The following SF3B3 variants were observed in gnomAD, a reference collection of about 807,000 sequenced individuals.
SF3B3 encodes the protein SAP 130.
In SF3B3, 33 loss-of-function variants were observed where a neutral mutation model predicts 139.2. The observed-to-expected ratio is 0.24, with a 90% CI of 0.18 to 0.32. SF3B3 has a LOEUF of 0.32. SF3B3 is among the 10% of genes least tolerant of loss of function. The pLI is 1.00. For missense variants in SF3B3, 818 were observed against 1,509.4 expected (o/e 0.54, Z 7.59); for synonymous variants, 596 against 563.6 (o/e 1.06, Z -0.81).
At chr16:70,559,813 G>A (rs1489576433) in intron 15 of SF3B3, among the ~76,000 whole-genome samples, 11 of 151,806 alleles carry the variant, frequency 7.2e-5, no homozygotes, top group African/African-American at 2.4e-4. Context: ...ATGTTGGCCA[G>A]GTTGGTCTTT....
intron 11 of SF3B3, among the ~76,000 whole-genome samples, chr16:70,551,658 C>T (rs934991762): frequency 3.9e-5 from 6 of 152,048 alleles, no homozygotes; most frequent in African/African-American, 1.2e-4. Context: ...GCTGAGATTG[C>T]GCCATTGTAC....
intron 24 of SF3B3, among the ~76,000 whole-genome samples, 165 bp downstream of exon 24, chr16:70,570,314 A>G (rs1007148708): frequency 7.0e-6 from 1 of 143,708 alleles, no homozygotes; most frequent in Non-Finnish European, 1.5e-5. Context: ...ATTCTCCCGC[A>G]CCCAGGGAAG....
At chr16:70,555,005 T>A in intron 12 of SF3B3, 46 bp from the exon 13 acceptor site, 8 of 1,583,076 alleles carry the variant, frequency 5.1e-6, no homozygotes, top group Non-Finnish European at 6.1e-6. Flanking sequence ...TTCTGAGTGA[T>A]GAATCAAATT....
At chr16:70,571,463 G>A (rs532091346) in intron 25 of SF3B3, among the ~76,000 whole-genome samples, 6 of 152,254 alleles carry the variant, frequency 3.9e-5, no homozygotes, top group Non-Finnish European at 7.4e-5. Context: ...CACATTTGTG[G>A]TCCCAGCCAA....
At chr16:70,526,830 T>C (rs1324084368) in intron 2 of SF3B3, 104 bp downstream of exon 2, 1 of 794,922 alleles carries the variant, frequency 1.3e-6, no homozygotes, top group East Asian at 2.6e-5. Flanking sequence ...AAAACAGTTG[T>C]TGGTAAATGT....
In SF3B3 at chr16:70,532,559, A is replaced by G. The variant is rs766147892; in HGVS notation, c.651A>G (p.Leu217=). 3.1e-6 allele frequency: 5 copies of G among 1,614,106 alleles called. No individual in the cohort carries two copies. The highest frequency in any genetic ancestry group is 4.2e-6 in the Non-Finnish European group (5 of 1,179,960). ...CTTTCTATGAGCTAGACCTTGGTTT[A>G]AATCATGTGGTCCGAAAATACAGTG... ...TLTFYELDLG[L]NHVVRKYSEP... Residue 217 remains leucine, a synonymous_variant, in exon 5 of 26, where the codon TTA becomes TTG. Coordinates refer to ENST00000302516, the MANE Select transcript of SF3B3 (RefSeq NM_012426.5).
chr16:70,556,041 TAGTAAGAGG>T, intron 13 of SF3B3, 129 bp from the exon 14 acceptor site: 1 of 777,022 alleles, frequency 1.3e-6, no homozygotes, highest in South Asian at 1.8e-5. Flanking sequence ...TCATTTACTA[TAGTAAGAGG>T]AGTGAGAGGA....
In SF3B3 at chr16:70,529,015, AGGT is replaced by A; in HGVS notation, c.216_218del (p.Gly73del). The A allele has an allele frequency of 6.2e-7, 1 of 1,614,192 alleles. No individual in the cohort carries two copies. The highest frequency in any genetic ancestry group is 8.5e-7 in the Non-Finnish European group (1 of 1,180,022). On this transcript the variant is annotated inframe_deletion, in exon 3 of 26. Transcript: ENST00000302516. Reference sequence around the variant, plus strand: ...GGTCACTCATGGCCTTTAGGCTGACAGGTGGCACCAAAGACTACATTGTAGTTG... The same window carrying A: ...GGTCACTCATGGCCTTTAGGCTGACAGGCACCAAAGACTACATTGTAGTTG...
chr16:70,565,639 T>G, intron 20 of SF3B3, 115 bp downstream of exon 20: 2 of 931,726 alleles, frequency 2.1e-6, no homozygotes, highest in Non-Finnish European at 3.2e-6. Context: ...AATCTCTCTC[T>G]TACCAGCACA....
In SF3B3 at chr16:70,570,064, C is replaced by T. The variant is rs1318359923; in HGVS notation, c.3323C>T (p.Thr1108Met). The change falls in exon 24 of 26, where the codon ACG (threonine) becomes ATG (methionine). Residue 1108 changes from threonine (T) to methionine (M), a missense_variant. Physicochemically the swap from Thr to Met is moderately conservative, Grantham distance 81. Coordinates refer to ENST00000302516, the MANE Select transcript of SF3B3 (RefSeq NM_012426.5). ...GETVLSLQKT[T>M]LIPGGSESLV... ...ACGGTGCTGTCCTTGCAGAAGACCA[C>T]GCTGATCCCTGGAGGCTCAGAATCA... is the stretch of plus-strand genomic sequence containing the variant. 1.2e-6 allele frequency: 2 copies of T among 1,613,934 alleles called. No homozygotes were observed. Among genetic ancestry groups the T allele is most frequent in the Non-Finnish European group, 1.7e-6 (2 of 1,180,010 alleles).
chr16:70,564,086 A>T, intron 18 of SF3B3, 36 bp downstream of exon 18: 6 of 1,597,494 alleles, frequency 3.8e-6, no homozygotes, highest in Non-Finnish European at 5.1e-6. Flanking sequence ...CTATTAAAAG[A>T]TGTGTGAAAT....
chr16:70,524,208 G>A (rs1011096060), intron 1 of SF3B3, among the ~76,000 whole-genome samples: 5 of 152,164 alleles, frequency 3.3e-5, no homozygotes, highest in African/African-American at 1.2e-4. Flanking sequence ...GTGACAAGCA[G>A]CGGGAGGCAT....
chr16:70,543,888 C>G (rs984461965), intron 9 of SF3B3, among the ~76,000 whole-genome samples: 1 of 151,100 alleles, frequency 6.6e-6, no homozygotes, highest in Non-Finnish European at 1.5e-5. Context: ...GAGTCTCACT[C>G]TGTTACCCAG....
intron 3 of SF3B3, among the ~76,000 whole-genome samples, chr16:70,530,301 A>C (rs1335421526): frequency 4.8e-5 from 7 of 147,008 alleles, no homozygotes; most frequent in African/African-American, 1.5e-4. Flanking sequence ...GCCCAGCTCC[A>C]CTATTGTCTA....
In SF3B3 at chr16:70,557,116, G is replaced by A. The variant is rs948269802; in HGVS notation, c.2010+87G>A. 1.1e-5 allele frequency: 15 copies of A among 1,402,046 alleles called. No homozygotes were observed. The Admixed American group carries it at 3.8e-4, about 35-fold the overall frequency. 86.9% of individuals were successfully genotyped at this position (1,402,046 alleles called of 1,614,324 possible). A position where few individuals can be genotyped will look rare whatever the true frequency, so the allele number is the denominator to read the frequency against. ...TTGTTTGATAACAGGGATTTTCTCT[G>A]CCCATGGTTTCAGATCCTCACCTTA... On this transcript the variant is annotated intron_variant, in intron 15 of 25. Coordinates refer to ENST00000302516, the MANE Select transcript of SF3B3 (RefSeq NM_012426.5).
At chr16:70,533,232 A>G (rs2050137600) in intron 5 of SF3B3, among the ~76,000 whole-genome samples, 2 of 152,170 alleles carry the variant, frequency 1.3e-5, no homozygotes, top group Non-Finnish European at 2.9e-5. Flanking sequence ...GCTCACGCCT[A>G]TAACCCTAGC....
intron 7 of SF3B3, among the ~76,000 whole-genome samples, chr16:70,538,719 G>A (rs1392629677): frequency 2.0e-5 from 3 of 152,180 alleles, no homozygotes; most frequent in South Asian, 2.1e-4. Context: ...AGAAGATAAA[G>A]GTCTCTGTTT....
chr16:70,565,703 C>T, intron 20 of SF3B3, 179 bp downstream of exon 20: 1 of 601,048 alleles, frequency 1.7e-6, no homozygotes, highest in South Asian at 2.1e-5. Flanking sequence ...CTGTGCATTC[C>T]ACAGGAAGGC....
In SF3B3 at chr16:70,574,796, A is replaced by G. The variant is rs1033072652; in HGVS notation, c.*2983A>G. On this transcript the variant is annotated 3_prime_UTR_variant, in exon 26 of 26. Coordinates refer to ENST00000302516, the MANE Select transcript of SF3B3 (RefSeq NM_012426.5). ...GCGTGAGCCACCATGCCCAGCCTCT[A>G]AATTCTGTTTTCTATTCAAAGTAAA... 2.0e-5 allele frequency: 3 copies of G among 152,230 alleles called. No individual in the cohort carries two copies. The highest frequency in any genetic ancestry group is 7.2e-5 in the African/African-American group (3 of 41,468). The allele number at this position is 152,230 out of a possible 1,614,324, so 9.4% of individuals were successfully genotyped here.
Sources: gnomAD v4.1 joint callset for allele counts (sites outside exome capture counted in the v4.1 genomes callset) on GRCh38, gnomAD v4.1.1 for gene constraint, MANE v1.5 for transcripts, NCBI Gene and HGNC (gene_info 2026-07-23, HGNC 2026-07-21) for gene names.